MDGA2: variants seen among roughly 807,000 people sequenced by gnomAD.
MDGA2 encodes MAM domain containing glycosylphosphatidylinositol anchor 2.
A neutral mutation model predicts 117.8 loss-of-function variants in MDGA2; 40 were observed. The observed-to-expected ratio is 0.34, with a 90% CI of 0.26 to 0.44. MDGA2 has a LOEUF of 0.44. Ranked by LOEUF, MDGA2 falls within the 20% of genes least tolerant of loss-of-function variation. MDGA2 has a pLI of 1.00. For missense variants in MDGA2, 1,123 were observed against 1,250.6 expected (o/e 0.90, Z 1.54); for synonymous variants, 452 against 439.0 (o/e 1.03, Z -0.37).
intron 3 of MDGA2, among the ~76,000 whole-genome samples, chr14:47,203,162 A>G (rs1289716969): frequency 2.0e-5 from 3 of 151,974 alleles, no homozygotes; most frequent in Admixed American, 2.0e-4. Context: ...TGGCTATAAC[A>G]AGGTAGAAGC....
At chr14:47,671,781 T>G (rs995809929) in intron 1 of MDGA2, among the ~76,000 whole-genome samples, 2 of 152,226 alleles carry the variant, frequency 1.3e-5, no homozygotes, top group Non-Finnish European at 2.9e-5. Context: ...CAAAACACAC[T>G]TTTTAACTTT....
chr14:47,571,882 CGTATCCCAGAACTTAAA>C (rs1205600167), intron 1 of MDGA2, among the ~76,000 whole-genome samples: 1 of 152,068 alleles, frequency 6.6e-6, no homozygotes, highest in African/African-American at 2.4e-5. Context: ...GTTCCACACA[CGTATCCCAGAACTTAAA>C]GTATAATTAA....
chr14:47,416,614 T>C (rs541308881), intron 1 of MDGA2, among the ~76,000 whole-genome samples: 36 of 152,240 alleles, frequency 2.4e-4, no homozygotes, highest in South Asian at 2.1e-4. Context: ...GCCCTGCCCT[T>C]GGGATGGCCC....
intron 1 of MDGA2, among the ~76,000 whole-genome samples, chr14:47,589,068 G>A (rs1896387598): frequency 6.6e-6 from 1 of 151,706 alleles, no homozygotes; most frequent in East Asian, 1.9e-4. Context: ...GATAATCAAG[G>A]ATTATCTCCC....
intron 1 of MDGA2, among the ~76,000 whole-genome samples, chr14:47,619,179 T>A (rs895546514): frequency 2.6e-5 from 4 of 151,334 alleles, no homozygotes; most frequent in Non-Finnish European, 5.9e-5. Flanking sequence ...ACTGCTAATA[T>A]GATTGGAAAC....
At chr14:47,516,159 C>A (rs185606846) in intron 1 of MDGA2, among the ~76,000 whole-genome samples, 5 of 152,266 alleles carry the variant, frequency 3.3e-5, no homozygotes, top group African/African-American at 1.2e-4. Context: ...CCCCTGTTTG[C>A]ATATTCATCA....
At chr14:47,635,014 T>C (rs1897300415) in intron 1 of MDGA2, among the ~76,000 whole-genome samples, 2 of 152,114 alleles carry the variant, frequency 1.3e-5, no homozygotes, top group African/African-American at 2.4e-5. Flanking sequence ...ATCTGATTAT[T>C]ATCATGGGTA....
rs528137763 is a variant in MDGA2 at position 47,177,249 on chromosome 14, C to T, written c.596-32975G>A. On this transcript the variant is annotated intron_variant, in intron 3 of 16. Coordinates refer to ENST00000399232, the MANE Select transcript of MDGA2 (RefSeq NM_001113498.3). ...ATTGTGGAAGTCAGTGTGGCGATTC[C>T]TCAGGGATCTAGAACTAGAAATACC... Among the ~76,000 whole-genome samples, 155 of 151,946 alleles carry T rather than the reference C, an allele frequency of 1.0e-3. 1 individual carries two copies. Among genetic ancestry groups the T allele is most frequent in the African/African-American group, 3.5e-3 (144 of 41,522 alleles).
intron 1 of MDGA2, among the ~76,000 whole-genome samples, chr14:47,630,565 T>C (rs980028476): frequency 6.6e-6 from 1 of 152,216 alleles, no homozygotes; most frequent in African/African-American, 2.4e-5. Context: ...AGAGACTTTC[T>C]TTCTGGAAAG....
intron 3 of MDGA2, among the ~76,000 whole-genome samples, chr14:47,166,594 T>A (rs186764476): frequency 1.8e-4 from 27 of 152,302 alleles, no homozygotes; most frequent in African/African-American, 6.0e-4. Flanking sequence ...TAAGAATAGG[T>A]CTTTAGAATA....
intron 2 of MDGA2, among the ~76,000 whole-genome samples, chr14:47,236,886 A>G (rs1248709091): frequency 1.1e-4 from 17 of 152,220 alleles, no homozygotes; most frequent in Admixed American, 1.1e-3. Context: ...TGCTTGCAAA[A>G]TAAGCCAAGC....
intron 2 of MDGA2, among the ~76,000 whole-genome samples, chr14:47,286,030 CTGTGTGTG>C (rs151238015): frequency 4.5e-4 from 68 of 150,160 alleles, no homozygotes; most frequent in African/African-American, 1.6e-3. Flanking sequence ...TATTGTGTGT[CTGTGTGTG>C]TGTGTGTGTT....
intron 3 of MDGA2, among the ~76,000 whole-genome samples, chr14:47,203,980 G>C (rs1465168312): frequency 6.6e-6 from 1 of 151,854 alleles, no homozygotes; most frequent in African/African-American, 2.4e-5. Flanking sequence ...GTGTCAATAA[G>C]AAAAATTTGA....
chr14:47,613,813 T>C (rs550106101), intron 1 of MDGA2, among the ~76,000 whole-genome samples: 4 of 152,228 alleles, frequency 2.6e-5, no homozygotes, highest in African/African-American at 9.6e-5. Flanking sequence ...CCCCATTCAC[T>C]TATTAAAAAT....
chr14:47,084,870 T>C (rs2138911666), intron 6 of MDGA2, among the ~76,000 whole-genome samples: 1 of 152,282 alleles, frequency 6.6e-6, no homozygotes, highest in Non-Finnish European at 1.5e-5. Context: ...TCTAGAACTG[T>C]GAGACATCAC....
intron 8 of MDGA2, among the ~76,000 whole-genome samples, chr14:47,023,421 T>C (rs1395962404): frequency 6.6e-6 from 1 of 152,108 alleles, no homozygotes; most frequent in Non-Finnish European, 1.5e-5. Context: ...ACTACTAACA[T>C]TGTCAAACAC....
At chr14:47,597,845 T>TACACACACACACACAC (rs35221587) in intron 1 of MDGA2, among the ~76,000 whole-genome samples, 13 of 141,376 alleles carry the variant, frequency 9.2e-5, no homozygotes, top group African/African-American at 3.4e-4. Context: ...CACACACACA[T>TACACACACACACACAC]ACACACACAC....
At chr14:47,516,774 C>T (rs1446708338) in intron 1 of MDGA2, among the ~76,000 whole-genome samples, 9 of 152,108 alleles carry the variant, frequency 5.9e-5, no homozygotes, top group Admixed American at 5.2e-4. Flanking sequence ...AGATGTACAT[C>T]AAGTTAGAAA....
intron 10 of MDGA2, among the ~76,000 whole-genome samples, chr14:46,886,399 A>G (rs1052236374): frequency 1.4e-4 from 22 of 152,232 alleles, no homozygotes; most frequent in African/African-American, 5.3e-4. Context: ...ATTTTGAAGT[A>G]GATATGTTAT....
Sources: allele counts gnomAD v4.1 joint callset (sites outside exome capture counted in the v4.1 genomes callset), GRCh38; gene constraint gnomAD v4.1.1; transcripts MANE v1.5; gene names NCBI Gene and HGNC (gene_info 2026-07-23, HGNC 2026-07-21).